The following TYW1 variants were observed in gnomAD, a reference collection of about 807,000 sequenced individuals.
TYW1 encodes S-adenosyl-L-methionine-dependent tRNA 4-demethylwyosine synthase TYW1.
Under a neutral mutation model 96.2 loss-of-function variants are expected in TYW1, and 46 were observed. The observed-to-expected ratio is 0.48, with a 90% CI of 0.38 to 0.61. TYW1 has a LOEUF of 0.61. Among genes scored for constraint, TYW1 ranks in the 20% least tolerant of loss-of-function variants. TYW1 has a pLI of 0.00. For missense variants in TYW1, 684 were observed against 909.6 expected, an observed-to-expected ratio of 0.75 and a Z score of 3.19; for synonymous variants, 274 against 323.0, an observed-to-expected ratio of 0.85 and a Z score of 1.63.
At chr7:67,001,573 C>T (rs1306578091) in intron 3 of TYW1, among the ~76,000 whole-genome samples, 2 of 151,642 alleles carry the variant, frequency 1.3e-5, no homozygotes, top group South Asian at 2.1e-4. Flanking sequence ...AGGCGCCCAC[C>T]ACTATGCCCA....
intron 15 of TYW1, among the ~76,000 whole-genome samples, chr7:67,222,063 G>C (rs1313400525): frequency 6.6e-6 from 1 of 152,004 alleles, no homozygotes; most frequent in Non-Finnish European, 1.5e-5. Flanking sequence ...CAGGCATTGT[G>C]GTGGGCGCCT....
intron 7 of TYW1, among the ~76,000 whole-genome samples, chr7:67,036,112 T>C (rs1328981154): frequency 6.7e-6 from 1 of 149,146 alleles, no homozygotes; most frequent in African/African-American, 2.4e-5. Flanking sequence ...TCACACACTT[T>C]GGTGTCATGT....
intron 9 of TYW1, among the ~76,000 whole-genome samples, chr7:67,066,598 T>A (rs967642167): frequency 1.3e-5 from 2 of 152,182 alleles, no homozygotes; most frequent in Non-Finnish European, 2.9e-5. Flanking sequence ...ACTGTAATCT[T>A]AGCATTTGAA....
intron 14 of TYW1, among the ~76,000 whole-genome samples, chr7:67,189,396 TG>T (rs1563063094): frequency 7.4e-6 from 1 of 135,842 alleles, no homozygotes; most frequent in African/African-American, 3.1e-5. Context: ...ATGTGTGTGT[TG>T]TGTGCGTGTG....
At chr7:67,092,394 C>T (rs1796750475) in intron 11 of TYW1, among the ~76,000 whole-genome samples, 1 of 152,030 alleles carries the variant, frequency 6.6e-6, no homozygotes, top group South Asian at 2.1e-4. Context: ...TTAGTTTATG[C>T]CACCCTCTTC....
chr7:67,152,974 C>A (rs2901425), intron 13 of TYW1, among the ~76,000 whole-genome samples: 39,459 of 152,102 alleles, frequency 0.26, 5,603 homozygotes, highest in African/African-American at 0.38. Context: ...TGTTCTCAAG[C>A]CTGCCTTCCT....
At chr7:67,064,792 A>G (rs772730581) in intron 9 of TYW1, among the ~76,000 whole-genome samples, 3 of 152,210 alleles carry the variant, frequency 2.0e-5, no homozygotes, top group Non-Finnish European at 4.4e-5. Context: ...TTCAAGTTCC[A>G]TGGTGAAATT....
intron 14 of TYW1, among the ~76,000 whole-genome samples, chr7:67,191,238 A>T (rs1800206374): frequency 6.6e-6 from 1 of 152,136 alleles, no homozygotes; most frequent in East Asian, 1.9e-4. Flanking sequence ...TGGGGATCAC[A>T]TTTCAGCATG....
chr7:67,012,146 A>G (rs1793826200), intron 4 of TYW1, among the ~76,000 whole-genome samples: 1 of 152,110 alleles, frequency 6.6e-6, no homozygotes, highest in African/African-American at 2.4e-5. Flanking sequence ...GAGCTCAGAC[A>G]TGTAAGAACA....
rs536783330 is a variant in TYW1, at chr7:67,046,636, T to G, written c.985-3313T>G. On this transcript the variant is annotated intron_variant, in intron 7 of 15. Coordinates refer to ENST00000359626, the MANE Select transcript of TYW1 (RefSeq NM_018264.4). The stretch of plus-strand genomic sequence containing the variant: ...TTCTGGGCAGAGAGTAAACAATGTC[T>G]GCACCTAGCAGATTAGAGTTAGAAT... Among the ~76,000 whole-genome samples the G allele has an allele frequency of 1.2e-3, 180 of 152,362 alleles. 1 individual carries two copies. The highest frequency in any genetic ancestry group is 4.1e-3 in the African/African-American group (169 of 41,586).
intron 13 of TYW1, among the ~76,000 whole-genome samples, chr7:67,124,301 G>A (rs190158885): frequency 1.3e-3 from 202 of 152,124 alleles, no homozygotes; most frequent in South Asian, 7.7e-3. Context: ...GTTTCCTTTT[G>A]TTGCCCAAGC....
intron 12 of TYW1, among the ~76,000 whole-genome samples, chr7:67,102,852 G>A (rs758005970): frequency 4.6e-5 from 7 of 151,260 alleles, no homozygotes; most frequent in Admixed American, 6.6e-5. Flanking sequence ...GGGTTTCACC[G>A]TGTTAGCAGG....
At chr7:67,184,644 T>G (rs1254352736) in intron 14 of TYW1, among the ~76,000 whole-genome samples, 137 of 34,662 alleles carry the variant, frequency 4.0e-3, no homozygotes, top group Non-Finnish European at 5.9e-3. Flanking sequence ...TTTATTTTAT[T>G]TTATTTATGT....
In TYW1 at chr7:67,239,155, A is replaced by T. The variant is rs1323648362; in HGVS notation, c.*626A>T. 1.0e-6 allele frequency: 1 copy of T among 985,888 alleles called. No homozygotes were observed. The highest frequency in any genetic ancestry group is 4.7e-5 in the South Asian group (1 of 21,322). The allele number at this position is 985,888 out of a possible 1,614,324, so 61.1% of individuals were successfully genotyped here. A position where few individuals can be genotyped will look rare whatever the true frequency, so the allele number is the denominator to read the frequency against. ...AACTACTAGATCTCATCCCATTCCC[A>T]TGTAAATTACCACAGACCGCAGTAC... On this transcript the variant is annotated 3_prime_UTR_variant, in exon 16 of 16. Transcript: ENST00000359626.
At position 67,102,815 on chromosome 7, in the gene TYW1, C is replaced by G. The variant is rs1797127044; in HGVS notation, c.1562+4097C>G. On this transcript the variant is annotated intron_variant, in intron 12 of 15. Transcript: ENST00000359626. ...TACAGGCACCCACCACCACACCCAGCTAATTTTTTGTATTTTTAGTAGAGA... is the reference window on the plus strand; with the variant it reads ...TACAGGCACCCACCACCACACCCAGGTAATTTTTTGTATTTTTAGTAGAGA... Among the ~76,000 whole-genome samples, 3 of 152,112 alleles carry G rather than the reference C, an allele frequency of 2.0e-5. No individual in the cohort carries two copies. The South Asian group carries it at 6.2e-4, about 32-fold the overall frequency.
chr7:67,211,213 A>G (rs1801008951), intron 15 of TYW1, among the ~76,000 whole-genome samples: 1 of 136,324 alleles, frequency 7.3e-6, no homozygotes, highest in Non-Finnish European at 1.6e-5. Context: ...TCTTTCTGGC[A>G]CTACAAGATT....
At chr7:67,143,393 G>A (rs934022104) in intron 13 of TYW1, among the ~76,000 whole-genome samples, 1 of 152,160 alleles carries the variant, frequency 6.6e-6, no homozygotes, top group African/African-American at 2.4e-5. Context: ...GACTTAAAAC[G>A]TAGTGTTATT....
intron 7 of TYW1, among the ~76,000 whole-genome samples, chr7:67,035,904 G>C (rs34687901): frequency 0.068 from 9,978 of 146,364 alleles, 503 homozygotes; most frequent in South Asian, 0.11. Context: ...GTCCCGATTT[G>C]CTGATCTTAT....
intron 11 of TYW1, among the ~76,000 whole-genome samples, chr7:67,087,535 A>G (rs904865018): frequency 6.6e-6 from 1 of 152,208 alleles, no homozygotes; most frequent in Non-Finnish European, 1.5e-5. Flanking sequence ...CACCAATTTC[A>G]TTCTTAAAAA....
Sources: allele counts gnomAD v4.1 joint callset (sites outside exome capture counted in the v4.1 genomes callset), GRCh38; gene constraint gnomAD v4.1.1; transcripts MANE v1.5; gene names NCBI Gene and HGNC (gene_info 2026-07-23, HGNC 2026-07-21).